The following LAMC3 variants were observed in gnomAD, a reference collection of about 807,000 sequenced individuals.
LAMC3 encodes laminin subunit gamma 3.
In LAMC3, 128 loss-of-function variants were observed where a neutral mutation model predicts 173.8. The ratio of observed to expected loss-of-function variants is 0.74; its 90% CI spans 0.64 to 0.85. LAMC3 has a LOEUF of 0.85. LAMC3 is among the 40% of genes least tolerant of loss of function. The pLI is 0.00. For missense variants in LAMC3, 2,022 were observed against 2,156.0 expected (o/e 0.94, Z 1.23); for synonymous variants, 897 against 909.1 (o/e 0.99, Z 0.24).
chr9:131,052,808 C>T (rs201708181), intron 10 of LAMC3, 42 bp from the exon 11 acceptor site: 6 of 1,325,194 alleles, frequency 4.5e-6, no homozygotes, highest in Non-Finnish European at 6.5e-6. Flanking sequence ...GGTACCCCCC[C>T]ACCCTATGTC....
chr9:131,020,982 G>A (rs1278586040), intron 1 of LAMC3, among the ~76,000 whole-genome samples: 1 of 152,064 alleles, frequency 6.6e-6, no homozygotes, highest in Non-Finnish European at 1.5e-5. Flanking sequence ...AGAGTCTCTG[G>A]CTTCTTTTAA....
intron 15 of LAMC3, among the ~76,000 whole-genome samples, chr9:131,068,687 T>A (rs1362099926): frequency 6.6e-6 from 1 of 152,174 alleles, no homozygotes; most frequent in Admixed American, 6.5e-5. Flanking sequence ...CGAGACACGT[T>A]TGTCCCCATA....
intron 12 of LAMC3, 36 bp from the exon 13 acceptor site, chr9:131,060,993 GGCATTC>G: frequency 6.2e-7 from 1 of 1,605,840 alleles, no homozygotes; most frequent in Non-Finnish European, 8.5e-7. Flanking sequence ...ACCATCTCTG[GGCATTC>G]TGGGTTCAGA....
chr9:131,029,994 G>A lies in LAMC3; in HGVS notation c.679-2051G>A, dbSNP rs1833797308. Among the ~76,000 whole-genome samples the A allele has an allele frequency of 1.3e-5, 2 of 150,714 alleles. No individual in the cohort carries two copies. The highest frequency in any genetic ancestry group is 2.5e-5 in the African/African-American group (1 of 40,762). On this transcript the variant is annotated intron_variant, in intron 2 of 27. Coordinates refer to ENST00000361069, the MANE Select transcript of LAMC3 (RefSeq NM_006059.4). This position sits in a 1 kb window ranked among gnomAD's most constrained non-coding sequence, Gnocchi z 4.6. ...TTCGCTCTGTCGCCCAGGCTGGAGT[G>A]CAGTGGCACGATCTTGGCTCACCGC...
chr9:131,077,169 G>A lies in LAMC3; in HGVS notation c.3630-18G>A. On this transcript the variant is annotated intron_variant, in intron 21 of 27. Coordinates refer to ENST00000361069, the MANE Select transcript of LAMC3 (RefSeq NM_006059.4). ...GGCTAGTTCTGCACCCAGCTCCGTG[G>A]CCTCTGCTTCCTCCCAGGTACCAGG... 1.9e-6 allele frequency: 3 copies of A among 1,612,754 alleles called. No homozygotes were observed. Among genetic ancestry groups the A allele is most frequent in the Non-Finnish European group, 2.5e-6 (3 of 1,179,986 alleles).
At chr9:131,088,581 GAC>G (rs1398126709) in intron 27 of LAMC3, among the ~76,000 whole-genome samples, 1 of 152,134 alleles carries the variant, frequency 6.6e-6, no homozygotes, top group African/African-American at 2.4e-5. Flanking sequence ...AATTGTAAAA[GAC>G]ACATAATATT....
intron 1 of LAMC3, among the ~76,000 whole-genome samples, chr9:131,025,146 C>T (rs757195687): frequency 7.2e-5 from 11 of 152,144 alleles, no homozygotes; most frequent in Non-Finnish European, 1.6e-4. Flanking sequence ...AGTTCTCCCG[C>T]GCCCGCACCC....
At chr9:131,074,240 G>A (rs991324875) in intron 20 of LAMC3, among the ~76,000 whole-genome samples, 3 of 151,402 alleles carry the variant, frequency 2.0e-5, no homozygotes, top group Non-Finnish European at 2.9e-5. Flanking sequence ...GAGCCACCGC[G>A]CCCGGCCAGC....
intron 11 of LAMC3, among the ~76,000 whole-genome samples, chr9:131,056,159 GCACTC>G (rs1834400370): frequency 6.6e-6 from 1 of 151,996 alleles, no homozygotes; most frequent in Non-Finnish European, 1.5e-5. Flanking sequence ...TTGTACCACT[GCACTC>G]CAGCCTGAGT....
In LAMC3 at chr9:131,066,966, G is replaced by A. The variant is rs752693131; in HGVS notation, c.2354G>A (p.Arg785His). 3.8e-5 allele frequency: 61 copies of A among 1,613,694 alleles called. No homozygotes were observed. In the East Asian group the frequency reaches 4.9e-4, roughly 13 times the overall value. The change falls in exon 14 of 28, where the codon CGC (arginine) becomes CAC (histidine). Residue 785 changes from arginine (R) to histidine (H), a missense_variant. Transcript: ENST00000361069. ...THCPPGQRGR[R>H]CEVCDDGFFG... ...GTGCTCCCTCTACACACAGGGCGGC[G>A]CTGTGAGGTCTGTGATGATGGCTTT... is the stretch of plus-strand genomic sequence containing the variant.
chr9:131,074,269 A>C (rs1293668891), intron 20 of LAMC3, among the ~76,000 whole-genome samples: 1 of 151,858 alleles, frequency 6.6e-6, no homozygotes, highest in Non-Finnish European at 1.5e-5. Context: ...TTCAAGGCTC[A>C]TCCACATTGT....
intron 19 of LAMC3, 111 bp downstream of exon 19, chr9:131,072,946 T>G: frequency 1.0e-6 from 1 of 1,001,204 alleles, no homozygotes. Flanking sequence ...TTTGGGAGGC[T>G]TAATTTCATC....
chr9:131,079,265 GGCGAC>G lies in LAMC3; in HGVS notation c.3897_3901del (p.Leu1301AlafsTer39). 6.2e-7 allele frequency: 1 copy of G among 1,614,218 alleles called. No homozygotes were observed. Among genetic ancestry groups the G allele is most frequent in the Non-Finnish European group, 8.5e-7 (1 of 1,180,028 alleles). ...CCCGAACCCTCCAGACTGCTGCCCA[GGCGAC>G]GCTACGGCAAACAGAACCCCTCACA... is the stretch of plus-strand genomic sequence containing the variant. On this transcript the variant is annotated frameshift_variant, in exon 23 of 28. Transcript: ENST00000361069. LOFTEE classifies it high-confidence loss of function.
chr9:131,057,329 G>A (rs1829701162), intron 12 of LAMC3, among the ~76,000 whole-genome samples, 182 bp downstream of exon 12: 1 of 152,250 alleles, frequency 6.6e-6, no homozygotes, highest in Admixed American at 6.5e-5. Flanking sequence ...TTTAATAAAA[G>A]TTACTACTGG....
chr9:131,017,229 C>T (rs543426143), intron 1 of LAMC3, among the ~76,000 whole-genome samples: 2 of 152,242 alleles, frequency 1.3e-5, no homozygotes, highest in East Asian at 1.9e-4. Flanking sequence ...CAGCCAGACA[C>T]CTCTCGGGAG....
In LAMC3 at chr9:131,094,255, ACT is replaced by A. The variant is rs1423086918; in HGVS notation, c.*2471_*2472del. 3.3e-5 allele frequency: 5 copies of A among 152,012 alleles called. No individual in the cohort carries two copies. Among genetic ancestry groups the A allele is most frequent in the African/African-American group, 1.2e-4 (5 of 41,330 alleles). The allele number at this position is 152,012 out of a possible 1,614,324, so 9.4% of individuals were successfully genotyped here. ...AGTGCTTGCAAGAGACAAGCTGGTG[ACT>A]CTGTCCTGATTCCAGCTTCTCAGCT... On this transcript the variant is annotated 3_prime_UTR_variant, in exon 28 of 28. Coordinates refer to ENST00000361069, the MANE Select transcript of LAMC3 (RefSeq NM_006059.4).
chr9:131,039,154 G>A lies in LAMC3; in HGVS notation c.1189G>A (p.Asp397Asn), dbSNP rs146982525. The A allele has an allele frequency of 3.7e-6, 6 of 1,611,182 alleles. No homozygotes were observed. In the African/African-American group the frequency reaches 8.0e-5, roughly 22 times the overall value. ...AGGCTCCCTACACCTCCAGTGCGAT[G>A]ACACAGGCACCTGCGCCTGCAAGCC... ...SAGSLHLQCDDTGTCACKPTV... is the reference protein window; with the variant it reads ...SAGSLHLQCDNTGTCACKPTV... Residue 397 changes from aspartate (D) to asparagine (N), a missense_variant, in exon 6 of 28, where the codon GAC becomes AAC. Coordinates refer to ENST00000361069, the MANE Select transcript of LAMC3 (RefSeq NM_006059.4).
At chr9:131,077,047 C>A in intron 21 of LAMC3, 140 bp from the exon 22 acceptor site, 1 of 1,116,490 alleles carries the variant, frequency 9.0e-7, no homozygotes, top group Non-Finnish European at 1.3e-6. Context: ...TCCGAGGCAG[C>A]TGTACCTACC....
intron 13 of LAMC3, among the ~76,000 whole-genome samples, chr9:131,063,587 T>C (rs1467924773): frequency 2.0e-5 from 3 of 152,160 alleles, no homozygotes. Context: ...TGAGTCAGGG[T>C]TGACCGGGGT....
Sources: allele counts gnomAD v4.1 joint callset (sites outside exome capture counted in the v4.1 genomes callset), GRCh38; gene constraint gnomAD v4.1.1; non-coding constraint Gnocchi (gnomAD v3.1); transcripts MANE v1.5; gene names NCBI Gene and HGNC (gene_info 2026-07-23, HGNC 2026-07-21).